Variants in DST observed in about 807,000 individuals in gnomAD.
DST encodes dystonin.
Under a neutral mutation model 875.2 loss-of-function variants are expected in DST, and 253 were observed. The observed-to-expected ratio is 0.29, with a 90% CI of 0.26 to 0.32. The LOEUF is 0.32. DST is among the 10% of genes least tolerant of loss of function. The pLI is 1.00. For synonymous variants in DST, 3,124 were observed against 3,197.1 expected, an observed-to-expected ratio of 0.98 and a Z score of 0.77; for missense variants, 8,287 against 9,111.6, an observed-to-expected ratio of 0.91 and a Z score of 3.68.
At chr6:56,828,654 T>G (rs1472287204) in intron 4 of DST, among the ~76,000 whole-genome samples, 1 of 152,240 alleles carries the variant, frequency 6.6e-6, no homozygotes, top group Non-Finnish European at 1.5e-5. Context: ...AGTTTAGAGC[T>G]TGCTTTTTCC....
chr6:56,489,631 T>C (rs1164268428), intron 85 of DST, 22 bp from the exon 86 acceptor site: 1 of 1,597,372 alleles, frequency 6.3e-7, no homozygotes, highest in Admixed American at 1.7e-5. Flanking sequence ...TTCACACCTT[T>C]GTCTGAAAAT....
intron 4 of DST, among the ~76,000 whole-genome samples, chr6:56,752,814 G>A (rs1021794458): frequency 6.6e-6 from 1 of 151,372 alleles, no homozygotes; most frequent in African/African-American, 2.4e-5. Flanking sequence ...TTTTTGAGAC[G>A]GAGTTTTGCT....
In DST at chr6:56,655,981, C is replaced by T. The variant is rs184774658; in HGVS notation, c.1215-4737G>A. ...TCAATATCTAGCATAATGCTTAAAA[C>T]ATTAACTTTTGAGGATTAAATAAAT... On this transcript the variant is annotated intron_variant, in intron 10 of 103. Transcript: ENST00000680361. Among the ~76,000 whole-genome samples the T allele has an allele frequency of 4.3e-3, 650 of 152,322 alleles. 4 individuals carry two copies. The highest frequency in any genetic ancestry group is 0.011 in the Admixed American group (175 of 15,306).
chr6:56,579,030 A>G, intron 49 of DST, 93 bp from the exon 50 acceptor site: 1 of 1,144,222 alleles, frequency 8.7e-7, no homozygotes, highest in East Asian at 2.7e-5. Context: ...ATAAAGTAAA[A>G]TTGGACAGAA....
chr6:56,689,940 C>T (rs1161522724), intron 9 of DST, among the ~76,000 whole-genome samples: 1 of 152,136 alleles, frequency 6.6e-6, no homozygotes, highest in Non-Finnish European at 1.5e-5. Flanking sequence ...TCACAAGGTA[C>T]AAGGTGAGTC....
Position 56,624,558 on chromosome 6 carries a change from T to C in DST, c.4901A>G (p.Asp1634Gly). Residue 1634 changes from aspartate (D) to glycine (G), a missense_variant, in exon 36 of 104, where the codon GAT becomes GGT. Physicochemically the swap from Asp to Gly is moderately conservative, Grantham distance 94. Around this residue, in one of 10 missense-constraint regions of DST, gnomAD observed 3,138 missense variants for 3,116.6 expected, o/e 1.01. Transcript: ENST00000680361. ...CTCCTCTTCCAGCCTCTTCAATGAA[T>C]CACCAGCAAATTTAATATATTGTGT... ...LMTQYIKFAG[D>G]SLKRLEEEEK... 2 of 1,613,274 alleles carry C rather than the reference T, an allele frequency of 1.2e-6. No homozygotes were observed. Among genetic ancestry groups the C allele is most frequent in the Non-Finnish European group, 1.7e-6 (2 of 1,179,558 alleles).
chr6:56,669,595 C>CA (rs531095657), intron 10 of DST, among the ~76,000 whole-genome samples: 2,522 of 89,110 alleles, frequency 0.028, 67 homozygotes, highest in African/African-American at 0.071. Flanking sequence ...GACTTCATCT[C>CA]AAAAAAAAAA....
chr6:56,719,855 T>C (rs985558733), intron 5 of DST, among the ~76,000 whole-genome samples: 1 of 152,100 alleles, frequency 6.6e-6, no homozygotes, highest in Non-Finnish European at 1.5e-5. Flanking sequence ...GAGTGTACGA[T>C]AGGGTGTGGG....
intron 86 of DST, among the ~76,000 whole-genome samples, chr6:56,488,962 T>G (rs6459163): frequency 0.23 from 34,226 of 152,102 alleles, 4,511 homozygotes; most frequent in Middle Eastern, 0.41. Context: ...TATATAAACA[T>G]GTCTTTGGGT....
intron 3 of DST, among the ~76,000 whole-genome samples, chr6:56,869,596 A>G (rs71564864): frequency 0.12 from 18,824 of 152,152 alleles, 1,545 homozygotes; most frequent in Middle Eastern, 0.2. Flanking sequence ...AGAAGAAAAA[A>G]AAAAAAAACT....
At chr6:56,656,192 T>C (rs1391226226) in intron 10 of DST, among the ~76,000 whole-genome samples, 2 of 152,242 alleles carry the variant, frequency 1.3e-5, no homozygotes, top group Non-Finnish European at 2.9e-5. Context: ...TACAATGTCA[T>C]AGCTTCCCCA....
intron 3 of DST, among the ~76,000 whole-genome samples, chr6:56,855,892 C>T (rs1209229388): frequency 6.6e-6 from 1 of 152,202 alleles, no homozygotes; most frequent in Non-Finnish European, 1.5e-5. Flanking sequence ...AAAACCCACA[C>T]TGGCATGGGG....
intron 5 of DST, among the ~76,000 whole-genome samples, chr6:56,732,593 A>G (rs2099505174): frequency 6.6e-6 from 1 of 152,224 alleles, no homozygotes. Flanking sequence ...ATGTAACAGT[A>G]ACTTATACAA....
At chr6:56,643,597 A>G (rs1450055353) in intron 15 of DST, among the ~76,000 whole-genome samples, 2 of 152,220 alleles carry the variant, frequency 1.3e-5, no homozygotes, top group Non-Finnish European at 2.9e-5. Context: ...CCACATAGCT[A>G]TTACTCGCAA....
chr6:56,881,051 G>A (rs1301681293), intron 3 of DST, among the ~76,000 whole-genome samples: 2 of 151,370 alleles, frequency 1.3e-5, no homozygotes, highest in Admixed American at 6.6e-5. Flanking sequence ...GGGTTTCACC[G>A]TGTTAGCCAG....
intron 2 of DST, among the ~76,000 whole-genome samples, chr6:56,915,614 C>T (rs1300263017): frequency 6.7e-6 from 1 of 149,328 alleles, no homozygotes; most frequent in East Asian, 2.1e-4. Flanking sequence ...AGGAAAAAAA[C>T]GTGCTAATTT....
chr6:56,599,076 T>C (rs900248263), intron 45 of DST, among the ~76,000 whole-genome samples: 1 of 152,128 alleles, frequency 6.6e-6, no homozygotes, highest in Admixed American at 6.6e-5. Context: ...TTCTAAACTT[T>C]TATTTTTTAA....
chr6:56,609,459 A>G, intron 39 of DST, 115 bp from the exon 40 acceptor site: 1 of 757,768 alleles, frequency 1.3e-6, no homozygotes, highest in Non-Finnish European at 2.2e-6. Context: ...AAAATCCTCT[A>G]CTTACCAAGG....
At chr6:56,587,271 C>A (rs1480521429) in intron 49 of DST, among the ~76,000 whole-genome samples, 1 of 152,094 alleles carries the variant, frequency 6.6e-6, no homozygotes, top group Non-Finnish European at 1.5e-5. Context: ...AATGCAGAAG[C>A]CTCAGGAGCC....
Sources: gnomAD v4.1 joint callset for allele counts (sites outside exome capture counted in the v4.1 genomes callset) on GRCh38, gnomAD v4.1.1 for gene constraint, gnomAD v4.1.1 regional missense constraint, MANE v1.5 for transcripts, NCBI Gene and HGNC (gene_info 2026-07-23, HGNC 2026-07-21) for gene names.